The following ULK4 variants were observed in gnomAD, a reference collection of about 807,000 sequenced individuals.
ULK4 encodes unc-51 like kinase 4, also known as inactive serine/threonine-protein kinase ULK4.
In ULK4, 133 loss-of-function variants were observed where a neutral mutation model predicts 160.6. The ratio of observed to expected loss-of-function variants is 0.83; its 90% confidence interval spans 0.72 to 0.96. ULK4 has a LOEUF of 0.96. Ranked by LOEUF, ULK4 falls within the 40% of genes least tolerant of loss-of-function variation. The pLI, the probability that ULK4 is intolerant of heterozygous loss-of-function variation, is 0.00. For missense variants in ULK4, 1,580 were observed against 1,499.5 expected (o/e 1.05, Z -0.89); for synonymous variants, 534 against 539.8 (o/e 0.99, Z 0.15).
chr3:41,285,745 A>G (rs2125698546), intron 35 of ULK4, among the ~76,000 whole-genome samples: 1 of 152,344 alleles, frequency 6.6e-6, no homozygotes, highest in Admixed American at 6.5e-5. Context: ...GGAAAAATTA[A>G]AAACAAAATA....
intron 17 of ULK4, among the ~76,000 whole-genome samples, chr3:41,852,189 A>G (rs1371283876): frequency 6.6e-6 from 1 of 152,208 alleles, no homozygotes; most frequent in Admixed American, 6.5e-5. Context: ...TAAACTAGGA[A>G]GAAGCTGAAT....
chr3:41,639,632 A>G (rs1430048660), intron 30 of ULK4, among the ~76,000 whole-genome samples: 1 of 152,068 alleles, frequency 6.6e-6, no homozygotes, highest in Non-Finnish European at 1.5e-5. Context: ...GGAGGCTGAG[A>G]CAGGAGAATC....
At position 41,505,945 on chromosome 3, in the gene ULK4, T is replaced by C. The variant is rs549761057; in HGVS notation, c.3227-42692A>G. Among the ~76,000 whole-genome samples the C allele has an allele frequency of 9.2e-5, 14 of 152,312 alleles. No homozygotes were observed. In the East Asian group the frequency reaches 2.5e-3, roughly 27 times the overall value. On this transcript the variant is annotated intron_variant, in intron 32 of 36. Coordinates refer to ENST00000301831, the MANE Select transcript of ULK4 (RefSeq NM_017886.4). The stretch of plus-strand genomic sequence containing the variant: ...TAAATATGATATTTGCTTTAGTTTT[T>C]TGGTAATCTTATTTATCAAACTAAG...
At position 41,954,733 on chromosome 3, in the gene ULK4, CT is replaced by C. The variant is rs1559675222; in HGVS notation, c.26del (p.Glu9GlyfsTer22). 1.9e-6 allele frequency: 3 copies of C among 1,613,692 alleles called. No homozygotes were observed. MENFILYE[E>X]IGRGSKTVVY... ...CAACAGTCTTGCTTCCTCTTCCGAT[CT>C]CCTCATACAGAATAAAGTTTTCCAT... On this transcript the variant is annotated frameshift_variant, in exon 2 of 37. Coordinates refer to ENST00000301831, the MANE Select transcript of ULK4 (RefSeq NM_017886.4). LOFTEE classifies it high-confidence loss of function.
chr3:41,462,295 TC>T (rs1283977327), intron 33 of ULK4, among the ~76,000 whole-genome samples: 1 of 152,222 alleles, frequency 6.6e-6, no homozygotes, highest in Non-Finnish European at 1.5e-5. Context: ...AACTTTAGCT[TC>T]TGCGTCTATC....
At chr3:41,489,922 T>C (rs2084687042) in intron 32 of ULK4, among the ~76,000 whole-genome samples, 1 of 152,150 alleles carries the variant, frequency 6.6e-6, no homozygotes, top group African/African-American at 2.4e-5. Flanking sequence ...ACTTTATTTA[T>C]TTACCTGATT....
intron 32 of ULK4, among the ~76,000 whole-genome samples, chr3:41,546,563 A>C (rs1010512520): frequency 2.0e-5 from 3 of 152,032 alleles, no homozygotes; most frequent in African/African-American, 7.3e-5. Flanking sequence ...TTGCTCTGTG[A>C]AAGTATAGCC....
chr3:41,490,253 C>T (rs2084701934), intron 32 of ULK4, among the ~76,000 whole-genome samples: 2 of 152,302 alleles, frequency 1.3e-5, no homozygotes, highest in South Asian at 4.1e-4. Flanking sequence ...TAATGTTCCT[C>T]CACTGATAAG....
chr3:41,706,910 G>C (rs1444523512), intron 25 of ULK4, among the ~76,000 whole-genome samples: 1 of 148,508 alleles, frequency 6.7e-6, no homozygotes, highest in Non-Finnish European at 1.5e-5. Context: ...TAGAGAGAGA[G>C]AGAGAATAGA....
At chr3:41,894,779 C>T (rs1384202124) in intron 16 of ULK4, among the ~76,000 whole-genome samples, 1 of 152,154 alleles carries the variant, frequency 6.6e-6, no homozygotes, top group East Asian at 1.9e-4. Context: ...GAATCCTAAA[C>T]CTATGCCATT....
intron 35 of ULK4, among the ~76,000 whole-genome samples, chr3:41,347,207 C>T (rs1286044657): frequency 1.3e-5 from 2 of 152,174 alleles, no homozygotes; most frequent in Non-Finnish European, 2.9e-5. Flanking sequence ...AAAGTTTATT[C>T]CAATAATCAA....
At chr3:41,411,110 T>G (rs1299262172) in intron 34 of ULK4, among the ~76,000 whole-genome samples, 2 of 152,170 alleles carry the variant, frequency 1.3e-5, no homozygotes, top group African/African-American at 4.8e-5. Context: ...CAACATCTAT[T>G]TACAATGTGA....
At chr3:41,901,397 G>C (rs900890636) in intron 12 of ULK4, among the ~76,000 whole-genome samples, 9 of 150,188 alleles carry the variant, frequency 6.0e-5, no homozygotes, top group Non-Finnish European at 1.2e-4. Flanking sequence ...AGCCAGGATG[G>C]TCTCAATCTC....
intron 34 of ULK4, among the ~76,000 whole-genome samples, chr3:41,400,785 T>C (rs1228496454): frequency 2.6e-5 from 4 of 152,212 alleles, no homozygotes; most frequent in Non-Finnish European, 5.9e-5. Flanking sequence ...TTTACCTTTT[T>C]ACATTCCTAG....
intron 22 of ULK4, among the ~76,000 whole-genome samples, chr3:41,719,322 A>G (rs1028548429): frequency 6.6e-6 from 1 of 152,086 alleles, no homozygotes; most frequent in Non-Finnish European, 1.5e-5. Context: ...TTAAATTACC[A>G]CTTATCTATA....
chr3:41,702,118 ATTAATTTT>A (rs1225035057), intron 27 of ULK4, among the ~76,000 whole-genome samples: 3 of 152,032 alleles, frequency 2.0e-5, no homozygotes, highest in African/African-American at 7.2e-5. Context: ...AACTGGCCAA[ATTAATTTT>A]TTAATTTTTT....
In ULK4 at chr3:41,506,743, G is replaced by C. The variant is rs373924187; in HGVS notation, c.3227-43490C>G. On this transcript the variant is annotated intron_variant, in intron 32 of 36. Transcript: ENST00000301831. ...TTATTTTAGACCACAGTTCTCCAAA[G>C]CAATACACTGGAGTGTGATTTAAAA... 7.7e-5 allele frequency among the ~76,000 whole-genome samples: 4 copies of C among 52,060 alleles called. No homozygotes were observed. The East Asian group carries it at 1.6e-3, about 21-fold the overall frequency. The allele number at this position is 52,060 out of a possible 152,430, so 34.2% of individuals were successfully genotyped here.
intron 32 of ULK4, among the ~76,000 whole-genome samples, chr3:41,486,465 T>C (rs544868426): frequency 6.6e-5 from 10 of 152,244 alleles, no homozygotes; most frequent in African/African-American, 2.2e-4. Flanking sequence ...TCATTTACAT[T>C]TGACGGAGAC....
At chr3:41,611,047 GTCCTCCA>G (rs1380454414) in intron 31 of ULK4, among the ~76,000 whole-genome samples, 1 of 152,130 alleles carries the variant, frequency 6.6e-6, no homozygotes, top group South Asian at 2.1e-4. Context: ...GAAAAAATAA[GTCCTCCA>G]TCCTGTGCAT....
Sources: gnomAD v4.1 joint callset for allele counts (sites outside exome capture counted in the v4.1 genomes callset) on GRCh38, gnomAD v4.1.1 for gene constraint, MANE v1.5 for transcripts, NCBI Gene and HGNC (gene_info 2026-07-23, HGNC 2026-07-21) for gene names.